Variants in MYPN observed in about 807,000 individuals in gnomAD.
MYPN encodes myopalladin, also known as sarcomeric protein myopalladin, 145 kDa (MYOP).
Under a neutral mutation model 129.4 loss-of-function variants are expected in MYPN, and 63 were observed. That is an observed-to-expected ratio of 0.49 (90% CI 0.40 to 0.60). The LOEUF is 0.60. MYPN is among the 20% of genes least tolerant of loss of function. The pLI is 0.00. For synonymous variants in MYPN, 629 were observed against 600.9 expected (o/e 1.05, Z -0.68); for missense variants, 1,596 against 1,635.4 (o/e 0.98, Z 0.42).
At chr10:68,164,064 G>A (rs1351493728) in intron 8 of MYPN, among the ~76,000 whole-genome samples, 1 of 152,192 alleles carries the variant, frequency 6.6e-6, no homozygotes, top group Non-Finnish European at 1.5e-5. Flanking sequence ...TATCAACAAG[G>A]AGGTAGGAGG....
chr10:68,193,328 T>C (rs1177942031), intron 13 of MYPN, among the ~76,000 whole-genome samples: 2 of 152,140 alleles, frequency 1.3e-5, no homozygotes, highest in East Asian at 1.9e-4. Context: ...AAATCAGACT[T>C]ATGGGTAAGT....
chr10:68,187,322 T>G (rs1260863027), intron 12 of MYPN, among the ~76,000 whole-genome samples: 1 of 141,396 alleles, frequency 7.1e-6, no homozygotes, highest in African/African-American at 2.6e-5. Context: ...AAAAAAAAAA[T>G]AGTAACCATT....
chr10:68,137,163 C>CA (rs375005063), intron 2 of MYPN, among the ~76,000 whole-genome samples: 1 of 151,790 alleles, frequency 6.6e-6, no homozygotes, highest in Admixed American at 6.6e-5. Flanking sequence ...CCAAAATGAA[C>CA]AAAAAAACCA....
chr10:68,161,917 C>G, intron 8 of MYPN, 165 bp downstream of exon 8: 1 of 546,726 alleles, frequency 1.8e-6, no homozygotes, highest in South Asian at 2.4e-5. Context: ...AATTCCAGCA[C>G]TTTGCGAGGC....
intron 2 of MYPN, among the ~76,000 whole-genome samples, chr10:68,134,205 A>G (rs2042451360): frequency 6.6e-6 from 1 of 152,196 alleles, no homozygotes; most frequent in Non-Finnish European, 1.5e-5. Flanking sequence ...TAGTCTCACT[A>G]CTATCAGGGA....
intron 1 of MYPN, among the ~76,000 whole-genome samples, chr10:68,100,982 A>C (rs1333720456): frequency 6.6e-6 from 1 of 152,230 alleles, no homozygotes; most frequent in South Asian, 2.1e-4. Context: ...TTCCTGGCAC[A>C]TGATAAGTTT....
intron 7 of MYPN, among the ~76,000 whole-genome samples, chr10:68,160,912 G>A (rs61854623): frequency 0.13 from 19,352 of 151,836 alleles, 1,629 homozygotes; most frequent in Middle Eastern, 0.22. Flanking sequence ...GTGAGACTTC[G>A]TCTCAAAAAG....
upstream of MYPN, chr10:68,106,726 T>C: frequency 1.4e-6 from 1 of 717,232 alleles, no homozygotes; most frequent in Non-Finnish European, 2.6e-6. Context: ...AATTCTCCCA[T>C]GCTTACCGTC....
chr10:68,200,349 C>T (rs962026221), intron 17 of MYPN, among the ~76,000 whole-genome samples: 1 of 152,140 alleles, frequency 6.6e-6, no homozygotes, highest in African/African-American at 2.4e-5. Context: ...CACTGTAATG[C>T]CTATACATAA....
At position 68,152,690 on chromosome 10, in the gene MYPN, C is replaced by T. The variant is rs182773297; in HGVS notation, c.1317+2579C>T. Among the ~76,000 whole-genome samples, 481 of 152,258 alleles carry T rather than the reference C, an allele frequency of 3.2e-3. 4 individuals are homozygous for T. Among genetic ancestry groups the T allele is most frequent in the African/African-American group, 0.011 (467 of 41,554 alleles). On this transcript the variant is annotated intron_variant, in intron 6 of 19. Transcript: ENST00000358913. ...CAGTCTTGTTGCCCAGGCTAGAGTG[C>T]AATGGCATGATCTCAGCTCACTGCA...
chr10:68,089,646 T>G (rs1022205194), intron 1 of MYPN, among the ~76,000 whole-genome samples: 88 of 152,000 alleles, frequency 5.8e-4, no homozygotes, highest in Non-Finnish European at 8.7e-4. Flanking sequence ...CGCCTGGCCT[T>G]ATTTGTTTGT....
At chr10:68,154,968 C>T (rs1212666889) in intron 6 of MYPN, among the ~76,000 whole-genome samples, 1 of 152,044 alleles carries the variant, frequency 6.6e-6, no homozygotes, top group Non-Finnish European at 1.5e-5. Context: ...TCACTTGAGG[C>T]CAAGAGTTCG....
intron 2 of MYPN, chr10:68,136,484 C>A (rs1307333576): frequency 1.6e-6 from 2 of 1,227,410 alleles, no homozygotes; most frequent in South Asian, 2.2e-5. Flanking sequence ...CCTCAAAAGT[C>A]TTCAGCATAG....
At chr10:68,200,707 A>G (rs1013908166) in intron 17 of MYPN, among the ~76,000 whole-genome samples, 7 of 152,002 alleles carry the variant, frequency 4.6e-5, no homozygotes, top group African/African-American at 1.7e-4. Flanking sequence ...GCAGTCAGCC[A>G]AGATTGCACC....
chr10:68,187,438 T>G (rs1029178955), intron 12 of MYPN, among the ~76,000 whole-genome samples: 2 of 152,216 alleles, frequency 1.3e-5, no homozygotes, highest in African/African-American at 2.4e-5. Context: ...TTTACAAAAG[T>G]GCAGCCTGGA....
At chr10:68,197,583 G>C in intron 16 of MYPN, 105 bp downstream of exon 16, 1 of 1,436,642 alleles carries the variant, frequency 7.0e-7, no homozygotes, top group Non-Finnish European at 9.5e-7. Context: ...TTTCAGGAAA[G>C]ATGAGATGGG....
chr10:68,158,385 C>T (rs1327860074), intron 6 of MYPN, 101 bp from the exon 7 acceptor site: 1 of 1,167,476 alleles, frequency 8.6e-7, no homozygotes, highest in Non-Finnish European at 1.2e-6. Flanking sequence ...GGAGAAAAAT[C>T]CAAATATGGA....
intron 2 of MYPN, among the ~76,000 whole-genome samples, chr10:68,129,489 G>A (rs971772580): frequency 6.6e-6 from 1 of 151,976 alleles, no homozygotes; most frequent in Non-Finnish European, 1.5e-5. Flanking sequence ...ATATATCATT[G>A]ATGTACATTT....
At chr10:68,130,343 C>T (rs558773255) in intron 2 of MYPN, among the ~76,000 whole-genome samples, 1 of 151,824 alleles carries the variant, frequency 6.6e-6, no homozygotes, top group South Asian at 2.1e-4. Flanking sequence ...ACCTGTAATC[C>T]CAGCTACTCG....
Sources: allele counts gnomAD v4.1 joint callset (sites outside exome capture counted in the v4.1 genomes callset), GRCh38; gene constraint gnomAD v4.1.1; transcripts MANE v1.5; gene names NCBI Gene and HGNC (gene_info 2026-07-23, HGNC 2026-07-21).